BBS9: variants seen among roughly 807,000 people sequenced by gnomAD.
The protein encoded by BBS9 is Bardet-Biedl syndrome 9, also known as protein PTHB1.
In BBS9, 89 loss-of-function variants were observed where a neutral mutation model predicts 117.7. The observed-to-expected ratio is 0.76, with a 90% CI of 0.64 to 0.90. The LOEUF is 0.90. Among genes scored for constraint, BBS9 ranks in the 40% least tolerant of loss-of-function variants. BBS9 has a pLI of 0.00. For synonymous variants in BBS9, 379 were observed against 370.9 expected (o/e 1.02, Z -0.25); for missense variants, 982 against 1,042.2 (o/e 0.94, Z 0.80).
chr7:33,403,650 A>T (rs1360127983), intron 19 of BBS9, among the ~76,000 whole-genome samples: 1 of 151,374 alleles, frequency 6.6e-6, no homozygotes, highest in Non-Finnish European at 1.5e-5. Flanking sequence ...TGAACTCATC[A>T]TTTTTTATGG....
At chr7:33,313,509 T>C (rs1809773217) in intron 9 of BBS9, among the ~76,000 whole-genome samples, 1 of 152,232 alleles carries the variant, frequency 6.6e-6, no homozygotes, top group African/African-American at 2.4e-5. Context: ...GTTGACTTTC[T>C]AGTAAGTCTA....
intron 9 of BBS9, among the ~76,000 whole-genome samples, chr7:33,315,903 A>T (rs1810402052): frequency 6.6e-6 from 1 of 152,188 alleles, no homozygotes; most frequent in African/African-American, 2.4e-5. Flanking sequence ...AACAATTATC[A>T]ACCTTCTGGT....
intron 5 of BBS9, among the ~76,000 whole-genome samples, chr7:33,221,220 G>T (rs1241815890): frequency 6.6e-6 from 1 of 152,040 alleles, no homozygotes; most frequent in Non-Finnish European, 1.5e-5. Flanking sequence ...CTTTATTTTA[G>T]TATTTCTTGA....
intron 19 of BBS9, among the ~76,000 whole-genome samples, chr7:33,389,171 T>C (rs1826566637): frequency 6.6e-6 from 1 of 152,178 alleles, no homozygotes; most frequent in Non-Finnish European, 1.5e-5. Flanking sequence ...TATACAATTT[T>C]ATCACCTGTG....
In BBS9 at chr7:33,605,366, A is replaced by T. The variant is rs1864451633; in HGVS notation, c.*140A>T. 1.1e-6 allele frequency: 1 copy of T among 890,570 alleles called. No homozygotes were observed. Among genetic ancestry groups the T allele is most frequent in the Non-Finnish European group, 1.9e-6 (1 of 531,988 alleles). The allele number at this position is 890,570 out of a possible 1,614,324, so 55.2% of individuals were successfully genotyped here. ...TCCTGGAGATGACATGCATAGAAAG[A>T]GGGGTTGGGACTTTTTACTTCACTA... On this transcript the variant is annotated 3_prime_UTR_variant, in exon 23 of 23. Transcript: ENST00000242067.
intron 9 of BBS9, among the ~76,000 whole-genome samples, chr7:33,307,135 T>C (rs1433230650): frequency 1.3e-5 from 2 of 152,180 alleles, no homozygotes; most frequent in Non-Finnish European, 2.9e-5. Context: ...TTGTAACCTA[T>C]ATTTGCCTTT....
At chr7:33,296,652 A>T (rs1805332817) in intron 9 of BBS9, among the ~76,000 whole-genome samples, 1 of 152,084 alleles carries the variant, frequency 6.6e-6, no homozygotes, top group Non-Finnish European at 1.5e-5. Flanking sequence ...GAGAGATTCT[A>T]CCCCATTTTT....
At chr7:33,596,580 T>G (rs1035543625) in intron 21 of BBS9, among the ~76,000 whole-genome samples, 5 of 152,100 alleles carry the variant, frequency 3.3e-5, no homozygotes, top group Non-Finnish European at 7.4e-5. Context: ...TTTTTGCATT[T>G]TGTCTCCATT....
At chr7:33,294,852 T>G (rs1406879486) in intron 9 of BBS9, among the ~76,000 whole-genome samples, 2 of 152,230 alleles carry the variant, frequency 1.3e-5, no homozygotes, top group Non-Finnish European at 2.9e-5. Context: ...TGCTATGATA[T>G]TCTGTGCTTC....
At chr7:33,508,532 C>T (rs1047128146) in intron 20 of BBS9, among the ~76,000 whole-genome samples, 1 of 152,216 alleles carries the variant, frequency 6.6e-6, no homozygotes, top group Non-Finnish European at 1.5e-5. Flanking sequence ...GAATTCAGAG[C>T]TCATGGGGCT....
At chr7:33,432,155 T>C (rs1019827931) in intron 19 of BBS9, among the ~76,000 whole-genome samples, 1 of 150,766 alleles carries the variant, frequency 6.6e-6, no homozygotes, top group Non-Finnish European at 1.5e-5. Context: ...TGCGATCTCG[T>C]CTCACTGCAA....
At chr7:33,562,462 A>G (rs913679965) in intron 21 of BBS9, among the ~76,000 whole-genome samples, 31 of 152,324 alleles carry the variant, frequency 2.0e-4, no homozygotes, top group African/African-American at 6.3e-4. Context: ...CAATCTGCAG[A>G]CAAAATAGAA....
chr7:33,515,213 T>G lies in BBS9; in HGVS notation c.2298+9568T>G, dbSNP rs965964112. Among the ~76,000 whole-genome samples the G allele has an allele frequency of 8.5e-5, 13 of 152,314 alleles. 1 individual carries two copies. The highest frequency in any genetic ancestry group is 7.8e-4 in the Admixed American group (12 of 15,296). ...TTTGAAAGAGCTCTCTTAGACTTAT[T>G]TAGACATACATTTTATCATACATTA... On this transcript the variant is annotated intron_variant, in intron 20 of 22. Transcript: ENST00000242067.
intron 18 of BBS9, among the ~76,000 whole-genome samples, chr7:33,386,150 A>G (rs1422476362): frequency 6.6e-6 from 1 of 152,156 alleles, no homozygotes; most frequent in Non-Finnish European, 1.5e-5. Flanking sequence ...AAAAAATAAA[A>G]AGAAGAAAAT....
At chr7:33,622,124 C>T (rs1162685229) in intron 21 of BBS9, among the ~76,000 whole-genome samples, 1 of 152,122 alleles carries the variant, frequency 6.6e-6, no homozygotes, top group Non-Finnish European at 1.5e-5. Context: ...GTAGGAGAAT[C>T]GCTTGAGCCC....
At position 33,370,435 on chromosome 7, in the gene BBS9, A is replaced by T. The variant is rs537442091; in HGVS notation, c.1789+2573A>T. ...CAGTGAGCTGAGATTGCACTACTGCACTCCAACCTGCGCAACAGAGTGAGA... is the reference window on the plus strand; with the variant it reads ...CAGTGAGCTGAGATTGCACTACTGCTCTCCAACCTGCGCAACAGAGTGAGA... On this transcript the variant is annotated intron_variant, in intron 17 of 22. Coordinates refer to ENST00000242067, the MANE Select transcript of BBS9 (RefSeq NM_198428.3). 2.6e-5 allele frequency among the ~76,000 whole-genome samples: 4 copies of T among 152,226 alleles called. No homozygotes were observed. In the South Asian group the frequency reaches 8.3e-4, roughly 32 times the overall value.
intron 3 of BBS9, among the ~76,000 whole-genome samples, chr7:33,153,413 T>C (rs903113438): frequency 7.9e-5 from 12 of 152,244 alleles, no homozygotes; most frequent in African/African-American, 2.9e-4. Context: ...GTCTGCTTTT[T>C]ATTTACTGAT....
intron 21 of BBS9, among the ~76,000 whole-genome samples, chr7:33,627,519 T>C (rs1865698362): frequency 6.6e-6 from 1 of 152,076 alleles, no homozygotes; most frequent in Admixed American, 6.5e-5. Flanking sequence ...GAATGGTAGA[T>C]CCACTGACAG....
intron 18 of BBS9, among the ~76,000 whole-genome samples, chr7:33,384,470 T>C (rs1825656110): frequency 6.6e-6 from 1 of 152,194 alleles, no homozygotes; most frequent in Admixed American, 6.5e-5. Context: ...TGAAGATTGA[T>C]TTGATGATTG....
Sources: gnomAD v4.1 joint callset for allele counts (sites outside exome capture counted in the v4.1 genomes callset) on GRCh38, gnomAD v4.1.1 for gene constraint, MANE v1.5 for transcripts, NCBI Gene and HGNC (gene_info 2026-07-23, HGNC 2026-07-21) for gene names.